The following RBFOX1 variants were observed in gnomAD, a reference collection of about 807,000 sequenced individuals.
RBFOX1 encodes RNA binding fox-1 homolog 1, also known as RNA binding protein fox-1 homolog 1.
Under a neutral mutation model 57.7 loss-of-function variants are expected in RBFOX1, and 8 were observed. That is an observed-to-expected ratio of 0.14 (90% CI 0.08 to 0.25). RBFOX1 has a LOEUF of 0.25. RBFOX1 is among the 10% of genes least tolerant of loss of function. RBFOX1 has a pLI of 1.00. For missense variants in RBFOX1, 611 were observed against 548.5 expected (o/e 1.11, Z -1.14); for synonymous variants, 326 against 222.4 (o/e 1.47, Z -4.15).
intron 4 of RBFOX1, among the ~76,000 whole-genome samples, chr16:5,991,754 C>A (rs180705653): frequency 2.6e-5 from 4 of 151,620 alleles, no homozygotes; most frequent in Non-Finnish European, 4.4e-5. Flanking sequence ...CGGGAAAATC[C>A]CAGCCCTGCC....
rs539029095 is a variant in RBFOX1 at position 6,893,232 on chromosome 16, G to C, written c.-15-158825G>C. Among the ~76,000 whole-genome samples the C allele has an allele frequency of 3.9e-5, 6 of 152,266 alleles. No individual in the cohort carries two copies. The East Asian group carries it at 7.7e-4, about 20-fold the overall frequency. On this transcript the variant is annotated intron_variant, in intron 3 of 15. Coordinates refer to ENST00000550418, the MANE Select transcript of RBFOX1 (RefSeq NM_018723.4). ...CTCACAGGGAAGCAGAGACTGTGGAGGGAACACAGCTTCTCCCAGAAGAAC... is the reference window on the plus strand; with the variant it reads ...CTCACAGGGAAGCAGAGACTGTGGACGGAACACAGCTTCTCCCAGAAGAAC...
intron 5 of RBFOX1, among the ~76,000 whole-genome samples, chr16:7,520,104 C>G (rs1320510763): frequency 1.3e-5 from 2 of 152,096 alleles, no homozygotes; most frequent in Admixed American, 1.3e-4. Context: ...CCAGGATGAT[C>G]TCAATCTCCT....
chr16:6,664,334 C>G (rs528456285), intron 3 of RBFOX1, among the ~76,000 whole-genome samples: 2 of 152,208 alleles, frequency 1.3e-5, no homozygotes, highest in Non-Finnish European at 2.9e-5. Context: ...TCATTCCAAA[C>G]TAATGCATAG....
rs146929346 is a variant in RBFOX1, at chr16:7,346,189, G to C, written c.28-171958G>C. ...TTTTTATGGATGCATAGTATTCCAT[G>C]GTGTATATGTGCGACATTTTCTTAA... On this transcript the variant is annotated intron_variant, in intron 4 of 15. Coordinates refer to ENST00000550418, the MANE Select transcript of RBFOX1 (RefSeq NM_018723.4). Among the ~76,000 whole-genome samples, 936 of 152,174 alleles carry C rather than the reference G, an allele frequency of 6.2e-3. 10 individuals are homozygous for C. The highest frequency in any genetic ancestry group is 0.021 in the African/African-American group (876 of 41,552).
intron 3 of RBFOX1, among the ~76,000 whole-genome samples, chr16:6,932,235 C>T (rs932041543): frequency 2.6e-5 from 4 of 152,128 alleles, no homozygotes; most frequent in African/African-American, 7.2e-5. Context: ...TCCCAAGTAG[C>T]TGGGATTACA....
intron 1 of RBFOX1, among the ~76,000 whole-genome samples, chr16:5,339,880 G>C (rs1048517110): frequency 5.9e-5 from 9 of 152,140 alleles, no homozygotes; most frequent in African/African-American, 2.2e-4. Flanking sequence ...ATAGAATCCA[G>C]GTTGGCTGCA....
At chr16:5,990,236 C>G (rs2060368017) in intron 4 of RBFOX1, among the ~76,000 whole-genome samples, 2 of 152,144 alleles carry the variant, frequency 1.3e-5, no homozygotes, top group South Asian at 2.1e-4. Context: ...AGTGATCCTC[C>G]CACTTTGGCC....
chr16:6,210,167 A>G (rs1236481154), intron 1 of RBFOX1, among the ~76,000 whole-genome samples: 1 of 151,656 alleles, frequency 6.6e-6, no homozygotes, highest in Non-Finnish European at 1.5e-5. Context: ...AAAATACAAA[A>G]CTTAGCTAGG....
intron 1 of RBFOX1, among the ~76,000 whole-genome samples, chr16:5,284,574 C>T (rs1158319384): frequency 1.4e-5 from 2 of 142,844 alleles, no homozygotes; most frequent in East Asian, 4.1e-4. Context: ...TGGAGTCTCA[C>T]TCTGTGACCC....
chr16:5,849,191 G>A (rs140294268), intron 3 of RBFOX1, among the ~76,000 whole-genome samples: 1 of 152,178 alleles, frequency 6.6e-6, no homozygotes, highest in African/African-American at 2.4e-5. Flanking sequence ...TGGCCTTCAA[G>A]CAAATGCATT....
intron 2 of RBFOX1, among the ~76,000 whole-genome samples, chr16:6,471,107 C>A: frequency 6.6e-6 from 1 of 152,134 alleles, no homozygotes; most frequent in East Asian, 1.9e-4. Flanking sequence ...CTTACCTGTG[C>A]CCCCTTTCCC....
chr16:6,344,790 A>C (rs2085113950), intron 2 of RBFOX1, among the ~76,000 whole-genome samples: 1 of 146,326 alleles, frequency 6.8e-6, no homozygotes, highest in Non-Finnish European at 1.5e-5. Context: ...ACCTGGGTTC[A>C]AGCGATTCTC....
chr16:7,032,532 C>T (rs1324469352), intron 3 of RBFOX1, among the ~76,000 whole-genome samples: 1 of 152,128 alleles, frequency 6.6e-6, no homozygotes, highest in Non-Finnish European at 1.5e-5. Context: ...GAGCAAATTA[C>T]AGATCAGCTA....
intron 5 of RBFOX1, among the ~76,000 whole-genome samples, chr16:7,548,250 C>A (rs578250988): frequency 6.6e-6 from 1 of 152,280 alleles, no homozygotes; most frequent in African/African-American, 2.4e-5. Context: ...TGGCTCACTG[C>A]AATCTCTGAC....
At chr16:6,822,697 C>T (rs914822679) in intron 3 of RBFOX1, among the ~76,000 whole-genome samples, 1 of 152,122 alleles carries the variant, frequency 6.6e-6, no homozygotes, top group Non-Finnish European at 1.5e-5. Flanking sequence ...TTTTAAAGAT[C>T]CAAGCTCTGC....
chr16:7,602,756 T>C (rs2095102066), intron 9 of RBFOX1, among the ~76,000 whole-genome samples: 1 of 152,192 alleles, frequency 6.6e-6, no homozygotes, highest in Non-Finnish European at 1.5e-5. Context: ...ATTTACAGAA[T>C]ACCTTTTCCA....
chr16:6,644,589 G>T (rs1236815293), intron 2 of RBFOX1, among the ~76,000 whole-genome samples: 1 of 152,164 alleles, frequency 6.6e-6, no homozygotes, highest in African/African-American at 2.4e-5. Context: ...TTTGAGTCCA[G>T]GAGAACAATG....
intron 2 of RBFOX1, among the ~76,000 whole-genome samples, chr16:6,609,252 G>A (rs2087457833): frequency 6.6e-6 from 1 of 152,220 alleles, no homozygotes; most frequent in East Asian, 1.9e-4. Context: ...CTGGGAAGAT[G>A]TAGTAAAGTT....
intron 9 of RBFOX1, among the ~76,000 whole-genome samples, chr16:7,604,270 T>C (rs924045930): frequency 1.3e-5 from 2 of 152,162 alleles, no homozygotes; most frequent in Admixed American, 1.3e-4. Context: ...AGAAAGGTCT[T>C]TGGTCTCCAA....
Sources: allele counts gnomAD v4.1 joint callset (sites outside exome capture counted in the v4.1 genomes callset), GRCh38; gene constraint gnomAD v4.1.1; transcripts MANE v1.5; gene names NCBI Gene and HGNC (gene_info 2026-07-23, HGNC 2026-07-21).